Variants in SEC14L5 observed in about 807,000 individuals in gnomAD.
SEC14L5 encodes SEC14 like lipid binding 5, also known as SEC14-like protein 5.
SEC14L5 carries 96 observed loss-of-function variants against 84.6 expected under a neutral mutation model. The ratio of observed to expected loss-of-function variants is 1.13; its 90% CI spans 0.96 to 1.34. SEC14L5 has a LOEUF of 1.34. SEC14L5 is among the 40% of genes most tolerant of loss of function. SEC14L5 has a pLI of 0.00. For missense variants in SEC14L5, 1,224 were observed against 942.5 expected (o/e 1.30, Z -3.91); for synonymous variants, 546 against 383.4 (o/e 1.42, Z -4.95).
intron 11 of SEC14L5, among the ~76,000 whole-genome samples, chr16:5,005,231 C>T (rs980804699): frequency 6.6e-6 from 1 of 152,048 alleles, no homozygotes; most frequent in Non-Finnish European, 1.5e-5. Flanking sequence ...AGGAGAATCA[C>T]TTGAACCTGG....
At chr16:4,989,057 G>C (rs1297228657) in intron 4 of SEC14L5, among the ~76,000 whole-genome samples, 5 of 152,230 alleles carry the variant, frequency 3.3e-5, no homozygotes, top group African/African-American at 1.2e-4. Flanking sequence ...TTTGGGGGTG[G>C]GAACAGCATG....
chr16:5,010,920 C>G, intron 14 of SEC14L5, 175 bp from the exon 15 acceptor site: 1 of 624,390 alleles, frequency 1.6e-6, no homozygotes, highest in Non-Finnish European at 2.8e-6. Flanking sequence ...GGGATAATAG[C>G]AAGGATGGCT....
At chr16:4,985,946 A>C (rs1245819018) in intron 2 of SEC14L5, among the ~76,000 whole-genome samples, 3 of 151,844 alleles carry the variant, frequency 2.0e-5, no homozygotes, top group Admixed American at 1.3e-4. Context: ...GTGTGGACTT[A>C]TGTTTTCATT....
chr16:4,959,135 G>T, intron 1 of SEC14L5, 138 bp from the exon 2 acceptor site: 1 of 608,396 alleles, frequency 1.6e-6, no homozygotes, highest in Non-Finnish European at 3.0e-6. Context: ...GAGTAATTTG[G>T]GGGGAATATC....
rs2142541060 is a variant in SEC14L5 at position 5,015,114 on chromosome 16, G to C, written c.*144G>C. ...TGCCCAAGTTGGGGTGTCTGGAGCG[G>C]ATGGCAAGGATCCAGAACTGGCCTG... is the stretch of plus-strand genomic sequence containing the variant. On this transcript the variant is annotated 3_prime_UTR_variant, in exon 16 of 16. Transcript: ENST00000251170. 1 of 641,280 alleles carries C rather than the reference G, an allele frequency of 1.6e-6. No individual in the cohort carries two copies. Among genetic ancestry groups the C allele is most frequent in the Non-Finnish European group, 2.7e-6 (1 of 371,496 alleles). The allele number at this position is 641,280 out of a possible 1,614,324, so 39.7% of individuals were successfully genotyped here.
At position 5,000,916 on chromosome 16, in the gene SEC14L5, G is replaced by T. The variant is rs868687998; in HGVS notation, c.1121G>T (p.Arg374Leu). Residue 374 changes from arginine (R) to leucine (L), a missense_variant, in exon 10 of 16, where the codon CGT (arginine) becomes CTT (leucine). Physicochemically the swap from Arg to Leu is moderately radical, Grantham distance 102 (BLOSUM62 -2). Coordinates refer to ENST00000251170, the MANE Select transcript of SEC14L5 (RefSeq NM_014692.2). ...RCEGSTRQLGRPISSWTCLLD... is the reference protein window; with the variant it reads ...RCEGSTRQLGLPISSWTCLLD... ...GAGGGGAGCACAAGGCAGCTGGGCC[G>T]TCCCATCAGGCAAACACCTGGGCTG... is the stretch of plus-strand genomic sequence containing the variant. 37 of 1,605,878 alleles carry T rather than the reference G, an allele frequency of 2.3e-5. No individual in the cohort carries two copies. Among genetic ancestry groups the T allele is most frequent in the Non-Finnish European group, 3.1e-5 (36 of 1,176,314 alleles).
intron 2 of SEC14L5, among the ~76,000 whole-genome samples, chr16:4,981,780 C>G (rs1481036990): frequency 6.6e-6 from 1 of 152,160 alleles, no homozygotes; most frequent in East Asian, 1.9e-4. Flanking sequence ...ACGCACTTTC[C>G]AAATGATGAA....
At chr16:4,969,248 TA>T (rs1021347729) in intron 2 of SEC14L5, among the ~76,000 whole-genome samples, 1 of 152,268 alleles carries the variant, frequency 6.6e-6, no homozygotes, top group African/African-American at 2.4e-5. Flanking sequence ...TGTGTGCATT[TA>T]TTTATGCATT....
intron 2 of SEC14L5, among the ~76,000 whole-genome samples, chr16:4,983,059 G>A (rs1046831669): frequency 6.6e-6 from 1 of 152,014 alleles, no homozygotes; most frequent in South Asian, 2.1e-4. Context: ...CTGGAGTTCA[G>A]TGGCACGATC....
Position 5,011,261 on chromosome 16 carries a change from C to T in SEC14L5, c.1967C>T (p.Ser656Phe). ...CTCTACTACTGTGAGGTGCTCGCCT[C>T]TGAGGACTTCAGGTAGGAGGGCTCC... ...KLLYYCEVLA[S>F]EDFRGSMSSL... The change falls in exon 15 of 16, where the codon TCT becomes TTT. Residue 656 changes from serine to phenylalanine, a missense_variant. Coordinates refer to ENST00000251170, the MANE Select transcript of SEC14L5 (RefSeq NM_014692.2). The T allele has an allele frequency of 1.2e-6, 2 of 1,613,456 alleles. No individual in the cohort carries two copies. The highest frequency in any genetic ancestry group is 1.7e-6 in the Non-Finnish European group (2 of 1,179,558).
At position 4,987,614 on chromosome 16, in the gene SEC14L5, G is replaced by T; in HGVS notation, c.121G>T (p.Val41Phe). Residue 41 changes from valine (V) to phenylalanine (F), a missense_variant, in exon 3 of 16, where the codon GTC (valine) becomes TTC (phenylalanine). Coordinates refer to ENST00000251170, the MANE Select transcript of SEC14L5 (RefSeq NM_014692.2). ...GATCCCAGTCTTCCTGGGCAGCGAG[G>T]TCTTGCGCGAGTCCCGCAGCCCGGA... ...PQIPVFLGSEVLRESRSPDGA... is the reference protein window; with the variant it reads ...PQIPVFLGSEFLRESRSPDGA... 7 of 1,559,640 alleles carry T rather than the reference G, an allele frequency of 4.5e-6. No individual in the cohort carries two copies. The highest frequency in any genetic ancestry group is 6.1e-6 in the Non-Finnish European group (7 of 1,152,858).
chr16:4,961,527 T>C (rs1157934025), intron 2 of SEC14L5, among the ~76,000 whole-genome samples: 2 of 152,040 alleles, frequency 1.3e-5, no homozygotes, highest in Non-Finnish European at 2.9e-5. Context: ...CGGGGTTTCA[T>C]CACGTTGGCC....
rs1242509543 is a variant in SEC14L5 at position 4,987,549 on chromosome 16, GC to G, written c.64-3del. On this transcript the variant is annotated splice_polypyrimidine_tract_variant and splice_region_variant and intron_variant, in intron 2 of 15. Coordinates refer to ENST00000251170, the MANE Select transcript of SEC14L5 (RefSeq NM_014692.2). The stretch of plus-strand genomic sequence containing the variant: ...CACCACGGCCGCTCACTGCCGCTCT[GC>G]CCCCAGGCCTACGAGAAGCGTTTCC... 6.5e-7 allele frequency: 1 copy of G among 1,544,460 alleles called. No homozygotes were observed. Among genetic ancestry groups the G allele is most frequent in the East Asian group, 2.5e-5 (1 of 39,726 alleles).
chr16:4,976,339 G>T lies in SEC14L5; in HGVS notation c.64-11218G>T, dbSNP rs117928172. On this transcript the variant is annotated intron_variant, in intron 2 of 15. Coordinates refer to ENST00000251170, the MANE Select transcript of SEC14L5 (RefSeq NM_014692.2). ...CAGAGCCCACTCTCTTAAGGGCGGT[G>T]CTATGCTGTTGTTCATTCATTCATC... Among the ~76,000 whole-genome samples, 455 of 152,348 alleles carry T rather than the reference G, an allele frequency of 3.0e-3. 5 individuals are homozygous for T. The highest frequency in any genetic ancestry group is 6.1e-3 in the Admixed American group (93 of 15,294).
intron 1 of SEC14L5, among the ~76,000 whole-genome samples, chr16:4,958,992 G>A (rs998524347): frequency 6.6e-6 from 1 of 151,712 alleles, no homozygotes; most frequent in Non-Finnish European, 1.5e-5. Flanking sequence ...GTGGGTGGCC[G>A]TAAGGCTTCT....
At chr16:5,003,287 C>G (rs972105239) in intron 10 of SEC14L5, 115 bp from the exon 11 acceptor site, 1 of 749,254 alleles carries the variant, frequency 1.3e-6, no homozygotes, top group Non-Finnish European at 2.2e-6. Flanking sequence ...GCAGGAGCCC[C>G]CATCTGCTCC....
intron 12 of SEC14L5, 40 bp downstream of exon 12, chr16:5,006,088 A>AG (rs767912411): frequency 5.6e-6 from 9 of 1,600,876 alleles, no homozygotes; most frequent in Non-Finnish European, 7.7e-6. Context: ...GGGCTTGAGG[A>AG]GGGGGCATGC....
At chr16:4,992,134 C>G (rs1304573367) in intron 6 of SEC14L5, 104 bp downstream of exon 6, 6 of 777,148 alleles carry the variant, frequency 7.7e-6, no homozygotes, top group African/African-American at 1.8e-5. Flanking sequence ...CTGCCGTCCC[C>G]CCTGGGAATG....
intron 4 of SEC14L5, among the ~76,000 whole-genome samples, chr16:4,989,337 T>TG (rs1300971131): frequency 1.1e-3 from 155 of 143,144 alleles, no homozygotes; most frequent in Non-Finnish European, 7.1e-4. Context: ...GTTTTTTTTT[T>TG]TGTTTGTTTT....
Sources: allele counts gnomAD v4.1 joint callset (sites outside exome capture counted in the v4.1 genomes callset), GRCh38; gene constraint gnomAD v4.1.1; transcripts MANE v1.5; gene names NCBI Gene and HGNC (gene_info 2026-07-23, HGNC 2026-07-21).